The following CDH13 variants were observed in gnomAD, a reference collection of about 807,000 sequenced individuals.
CDH13 encodes cadherin-13.
In CDH13, 24 loss-of-function variants were observed where a neutral mutation model predicts 63.8. The ratio of observed to expected loss-of-function variants is 0.38; its 90% CI spans 0.27 to 0.53. The LOEUF is 0.53. Ranked by LOEUF, CDH13 falls within the 20% of genes least tolerant of loss-of-function variation. The pLI is 0.85. For synonymous variants in CDH13, 503 were observed against 355.3 expected, an observed-to-expected ratio of 1.42 and a Z score of -4.67; for missense variants, 1,049 against 903.1, an observed-to-expected ratio of 1.16 and a Z score of -2.07.
chr16:83,529,187 G>A (rs1203620182), intron 7 of CDH13, among the ~76,000 whole-genome samples: 1 of 151,346 alleles, frequency 6.6e-6, no homozygotes, highest in Non-Finnish European at 1.5e-5. Context: ...AGTACAAGCA[G>A]TACATAGTAT....
chr16:82,633,310 C>T (rs905961276), intron 1 of CDH13, among the ~76,000 whole-genome samples: 2 of 152,230 alleles, frequency 1.3e-5, no homozygotes, highest in African/African-American at 2.4e-5. Context: ...CTTGCCAAGG[C>T]CTCCGGGAAC....
chr16:82,761,182 C>G (rs1261332660), intron 1 of CDH13, among the ~76,000 whole-genome samples: 8 of 151,664 alleles, frequency 5.3e-5, no homozygotes, highest in Non-Finnish European at 8.8e-5. Flanking sequence ...TGCTACCACA[C>G]CTGGCCAATT....
intron 7 of CDH13, among the ~76,000 whole-genome samples, chr16:83,586,387 G>C (rs955915299): frequency 6.6e-6 from 1 of 152,152 alleles, no homozygotes; most frequent in Non-Finnish European, 1.5e-5. Flanking sequence ...CAGAGACTCC[G>C]TTTATTGTTA....
intron 4 of CDH13, among the ~76,000 whole-genome samples, chr16:83,138,130 TGC>T (rs1285162270): frequency 6.6e-6 from 1 of 152,120 alleles, no homozygotes; most frequent in Non-Finnish European, 1.5e-5. Flanking sequence ...TGTCTTCTGT[TGC>T]ATCGGGTGGT....
chr16:83,565,174 T>C (rs1253043613), intron 7 of CDH13, among the ~76,000 whole-genome samples: 1 of 152,136 alleles, frequency 6.6e-6, no homozygotes, highest in Non-Finnish European at 1.5e-5. Context: ...TCTTGTCCTC[T>C]AGAAAAGCAA....
Position 83,464,116 on chromosome 16 carries a change from T to C in CDH13, c.782-22361T>C, listed in dbSNP as rs138020128. On this transcript the variant is annotated intron_variant, in intron 6 of 13. Transcript: ENST00000567109. Reference sequence around the variant, plus strand: ...TGAGACAGAGTCTTGCCTTGTTATCTAGGCTGGAGTGCAGTGGTGTGATCT... The same window carrying C: ...TGAGACAGAGTCTTGCCTTGTTATCCAGGCTGGAGTGCAGTGGTGTGATCT... Among the ~76,000 whole-genome samples the C allele has an allele frequency of 5.1e-4, 78 of 152,288 alleles. 1 individual carries two copies. In the East Asian group the frequency reaches 0.015, roughly 30 times the overall value.
intron 11 of CDH13, among the ~76,000 whole-genome samples, chr16:83,752,265 A>G (rs1913149947): frequency 6.6e-6 from 1 of 152,228 alleles, no homozygotes; most frequent in Non-Finnish European, 1.5e-5. Context: ...CAAAGAAACT[A>G]GAAATGCGGT....
intron 10 of CDH13, chr16:83,721,009 T>A (rs974043203): frequency 1.3e-5 from 2 of 152,250 alleles, no homozygotes; most frequent in Admixed American, 6.5e-5. Flanking sequence ...ACCTGTATCA[T>A]CAGTAGTGTG....
intron 2 of CDH13, among the ~76,000 whole-genome samples, chr16:83,008,332 G>T (rs1191720153): frequency 1.3e-5 from 2 of 152,220 alleles, no homozygotes; most frequent in African/African-American, 4.8e-5. Flanking sequence ...GTAGATGCCA[G>T]AAGGAAGTTA....
In CDH13 at chr16:82,754,152, C is replaced by T. The variant is rs898863; in HGVS notation, c.46-104210C>T. Among the ~76,000 whole-genome samples, 382 of 152,264 alleles carry T rather than the reference C, an allele frequency of 2.5e-3. 3 individuals are homozygous for T. The highest frequency in any genetic ancestry group is 8.8e-3 in the African/African-American group (364 of 41,544). On this transcript the variant is annotated intron_variant, in intron 1 of 13. Coordinates refer to ENST00000567109, the MANE Select transcript of CDH13 (RefSeq NM_001257.5). ...AGGGCAGAAACTCCTTAATATTAAACTTAGTGTACAGTAACTCTAATGCCT... is the reference window on the plus strand; with the variant it reads ...AGGGCAGAAACTCCTTAATATTAAATTTAGTGTACAGTAACTCTAATGCCT...
chr16:83,477,543 C>T (rs1023219635), intron 6 of CDH13, among the ~76,000 whole-genome samples: 18 of 152,154 alleles, frequency 1.2e-4, no homozygotes, highest in African/African-American at 4.3e-4. Flanking sequence ...CCCGTTTAGT[C>T]AGTGCTGCTC....
chr16:82,760,668 C>T (rs147583766), intron 1 of CDH13, among the ~76,000 whole-genome samples: 15 of 152,170 alleles, frequency 9.9e-5, no homozygotes, highest in African/African-American at 3.6e-4. Flanking sequence ...AAAGGAATAC[C>T]TGAGGCCGCG....
chr16:82,865,534 T>C (rs1246267341), intron 2 of CDH13, among the ~76,000 whole-genome samples: 2 of 152,232 alleles, frequency 1.3e-5, no homozygotes, highest in Non-Finnish European at 2.9e-5. Flanking sequence ...AACTGTATTT[T>C]GGCCCCTTTT....
chr16:82,640,162 G>T (rs1909213539), intron 1 of CDH13, among the ~76,000 whole-genome samples: 1 of 152,238 alleles, frequency 6.6e-6, no homozygotes, highest in South Asian at 2.1e-4. Flanking sequence ...ATGGGGTAGA[G>T]TGATAGACAG....
chr16:83,280,906 G>T (rs2151856061), intron 5 of CDH13, among the ~76,000 whole-genome samples: 1 of 152,340 alleles, frequency 6.6e-6, no homozygotes, highest in African/African-American at 2.4e-5. Context: ...AGTCTGAGCA[G>T]TGGGCTCAAA....
intron 7 of CDH13, among the ~76,000 whole-genome samples, chr16:83,591,123 C>G (rs1906703418): frequency 6.6e-6 from 1 of 151,836 alleles, no homozygotes; most frequent in South Asian, 2.1e-4. Flanking sequence ...GTTGGCCATG[C>G]TGGTCTTGAA....
chr16:82,768,929 C>A (rs761684797), intron 1 of CDH13, among the ~76,000 whole-genome samples: 1 of 152,144 alleles, frequency 6.6e-6, no homozygotes, highest in Non-Finnish European at 1.5e-5. Context: ...AGGTCTCTTG[C>A]TTTCTCTTGA....
intron 2 of CDH13, among the ~76,000 whole-genome samples, chr16:82,962,731 G>A (rs910457277): frequency 6.6e-6 from 1 of 152,152 alleles, no homozygotes; most frequent in South Asian, 2.1e-4. Flanking sequence ...AAAACTGGTT[G>A]TTTCATTAAA....
chr16:82,797,163 C>T (rs574914256), intron 1 of CDH13, among the ~76,000 whole-genome samples: 41 of 152,284 alleles, frequency 2.7e-4, no homozygotes, highest in African/African-American at 7.5e-4. Context: ...TTTTCCTATA[C>T]GTCACTCTTT....
Sources: allele counts gnomAD v4.1 joint callset (sites outside exome capture counted in the v4.1 genomes callset), GRCh38; gene constraint gnomAD v4.1.1; transcripts MANE v1.5; gene names NCBI Gene and HGNC (gene_info 2026-07-23, HGNC 2026-07-21).